The following MPHOSPH9 variants were observed in gnomAD, a reference collection of about 807,000 sequenced individuals.
MPHOSPH9 encodes M-phase phosphoprotein 9.
A neutral mutation model predicts 145.5 loss-of-function variants in MPHOSPH9; 88 were observed. The ratio of observed to expected loss-of-function variants is 0.60; its 90% CI spans 0.51 to 0.72. The LOEUF is 0.72. Ranked by LOEUF, MPHOSPH9 falls within the 30% of genes least tolerant of loss-of-function variation. The pLI, the probability that MPHOSPH9 is intolerant of heterozygous loss-of-function variation, is 0.00. For synonymous variants in MPHOSPH9, 435 were observed against 486.2 expected, an observed-to-expected ratio of 0.89 and a Z score of 1.39; for missense variants, 1,238 against 1,386.6, an observed-to-expected ratio of 0.89 and a Z score of 1.70.
chr12:123,223,254 A>T (rs1022708003), intron 3 of MPHOSPH9, 127 bp from the exon 4 acceptor site: 1 of 499,930 alleles, frequency 2.0e-6, no homozygotes, highest in East Asian at 3.6e-5. Flanking sequence ...AGCCATCAGC[A>T]CTCTCATAGC....
chr12:123,208,563 T>C (rs950087044), intron 8 of MPHOSPH9, among the ~76,000 whole-genome samples: 1 of 141,936 alleles, frequency 7.0e-6, no homozygotes, highest in Non-Finnish European at 1.5e-5. Context: ...ATACAGCAAA[T>C]TAAGTTGCTC....
chr12:123,166,461 T>A, intron 17 of MPHOSPH9, 194 bp downstream of exon 17: 1 of 663,920 alleles, frequency 1.5e-6, no homozygotes, highest in Non-Finnish European at 2.6e-6. Flanking sequence ...TGAGCACAGG[T>A]GGGGAAGCTT....
rs2046276424 is a variant in MPHOSPH9, at chr12:123,202,752, A to C, written c.1653T>G (p.Thr551=). Residue 551 remains threonine (T), a synonymous_variant, in exon 10 of 24, where the codon ACT becomes ACG. Coordinates refer to ENST00000606320, the MANE Select transcript of MPHOSPH9 (RefSeq NM_022782.4). The stretch of plus-strand genomic sequence containing the variant: ...CCATGACAGTGTTTTCTTCATCTAC[A>C]GTGTTGACCGAGATATCATTACTAG... ...TITSNDISVN[T]VDEENTVMVA... is the part of the protein sequence containing the mutation. The C allele has an allele frequency of 1.2e-6, 2 of 1,614,148 alleles. No individual in the cohort carries two copies. Among genetic ancestry groups the C allele is most frequent in the East Asian group, 2.2e-5 (1 of 44,882 alleles).
chr12:123,159,432 G>T lies in MPHOSPH9; in HGVS notation c.3450+1349C>A, dbSNP rs2044012443. Among the ~76,000 whole-genome samples the T allele has an allele frequency of 6.6e-6, 1 of 152,030 alleles. No homozygotes were observed. The highest frequency in any genetic ancestry group is 2.1e-4 in the South Asian group (1 of 4,824). On this transcript the variant is annotated intron_variant, in intron 23 of 23. Coordinates refer to ENST00000606320, the MANE Select transcript of MPHOSPH9 (RefSeq NM_022782.4). This position sits in a 1 kb window ranked among gnomAD's most constrained non-coding sequence, Gnocchi z 4.3. ...CCCACCTCGGCCTCCCAAAGTGCTG[G>T]GATTACAGGCATAAGCCATTGCGCC...
chr12:123,184,584 G>A (rs903340752), intron 13 of MPHOSPH9, among the ~76,000 whole-genome samples: 7 of 147,650 alleles, frequency 4.7e-5, no homozygotes, highest in East Asian at 2.0e-4. Flanking sequence ...TGCAAGCTCC[G>A]CCTCCCGGGT....
At chr12:123,200,267 CG>C (rs2046162995) in intron 11 of MPHOSPH9, among the ~76,000 whole-genome samples, 1 of 151,198 alleles carries the variant, frequency 6.6e-6, no homozygotes, top group African/African-American at 2.4e-5. Flanking sequence ...ATGACTGCCA[CG>C]TATTTTGTTT....
chr12:123,187,982 T>G (rs2045522498), intron 13 of MPHOSPH9, among the ~76,000 whole-genome samples: 1 of 152,028 alleles, frequency 6.6e-6, no homozygotes, highest in African/African-American at 2.4e-5. Context: ...AAAGAATTAG[T>G]GAGGCATGGT....
intron 8 of MPHOSPH9, among the ~76,000 whole-genome samples, chr12:123,206,896 G>A (rs968872781): frequency 6.7e-6 from 1 of 149,436 alleles, no homozygotes; most frequent in Non-Finnish European, 1.5e-5. Context: ...CCTGGCAACA[G>A]AGCAAGACTC....
At chr12:123,169,182 C>T (rs763472887) in intron 16 of MPHOSPH9, among the ~76,000 whole-genome samples, 7 of 151,386 alleles carry the variant, frequency 4.6e-5, no homozygotes, top group African/African-American at 7.3e-5. Context: ...CCACTGCGCC[C>T]GGCCCAGTTT....
intron 23 of MPHOSPH9, among the ~76,000 whole-genome samples, 179 bp from the exon 24 acceptor site, chr12:123,157,087 T>A (rs1398248863): frequency 1.3e-5 from 2 of 152,242 alleles, no homozygotes; most frequent in African/African-American, 4.8e-5. Context: ...AATTAGCTTT[T>A]CAACTATTCC....
Position 123,210,076 on chromosome 12 carries a change from T to C in MPHOSPH9, c.1174A>G (p.Thr392Ala), listed in dbSNP as rs1402924369. ...ATTACCTGGTTTGGTGACACATCTG[T>C]GGAAGACAATGATATGAACGTCTTC... ...LEKTFISLSS[T>A]DVSPNQSNTS... The change falls in exon 8 of 24, where the codon ACA (threonine) becomes GCA (alanine). Residue 392 changes from threonine to alanine, a missense_variant. Transcript: ENST00000606320. The C allele has an allele frequency of 1.2e-6, 2 of 1,610,860 alleles. No homozygotes were observed. Among genetic ancestry groups the C allele is most frequent in the Non-Finnish European group, 1.7e-6 (2 of 1,178,406 alleles).
intron 13 of MPHOSPH9, among the ~76,000 whole-genome samples, chr12:123,187,273 C>T (rs767691047): frequency 1.4e-4 from 21 of 151,772 alleles, no homozygotes; most frequent in South Asian, 4.2e-4. Context: ...AAAAAAAGAA[C>T]GAACGAACAA....
intron 13 of MPHOSPH9, among the ~76,000 whole-genome samples, chr12:123,190,912 G>T (rs1023409412): frequency 5.1e-4 from 78 of 152,162 alleles, no homozygotes; most frequent in African/African-American, 1.9e-3. Flanking sequence ...TGCAAAGTCA[G>T]TGTATCACTG....
intron 16 of MPHOSPH9, among the ~76,000 whole-genome samples, chr12:123,175,790 A>C (rs1279243030): frequency 6.6e-6 from 1 of 150,528 alleles, no homozygotes; most frequent in Non-Finnish European, 1.5e-5. Flanking sequence ...ATCTCTCTCA[A>C]ATGTTCAATT....
chr12:123,225,358 G>A (rs1469094137), intron 3 of MPHOSPH9, among the ~76,000 whole-genome samples: 2 of 150,664 alleles, frequency 1.3e-5, no homozygotes, highest in East Asian at 3.9e-4. Flanking sequence ...GTGGGAGGAT[G>A]GCTTGAGCCC....
chr12:123,171,768 AC>A (rs1445430145), intron 16 of MPHOSPH9, among the ~76,000 whole-genome samples: 1 of 151,430 alleles, frequency 6.6e-6, no homozygotes, highest in Non-Finnish European at 1.5e-5. Flanking sequence ...AAACAAACAA[AC>A]AAAAAACATA....
At chr12:123,170,280 T>C (rs2044520683) in intron 16 of MPHOSPH9, among the ~76,000 whole-genome samples, 1 of 152,060 alleles carries the variant, frequency 6.6e-6, no homozygotes, top group African/African-American at 2.4e-5. Flanking sequence ...GTAGCTGGGA[T>C]GACAGCTGCG....
chr12:123,214,243 T>C (rs1727323), intron 7 of MPHOSPH9, among the ~76,000 whole-genome samples: 97,677 of 152,048 alleles, frequency 0.64, 35,853 homozygotes, highest in East Asian at 1. Flanking sequence ...TAAATTAAGA[T>C]AAGAAAGAAA....
chr12:123,174,433 C>T (rs993654775), intron 16 of MPHOSPH9, among the ~76,000 whole-genome samples: 2 of 149,384 alleles, frequency 1.3e-5, no homozygotes, highest in South Asian at 4.2e-4. Flanking sequence ...AATGCAGTGG[C>T]GCGATCTTGG....
Sources: gnomAD v4.1 joint callset for allele counts (sites outside exome capture counted in the v4.1 genomes callset) on GRCh38, gnomAD v4.1.1 for gene constraint, Gnocchi (gnomAD v3.1) non-coding constraint, MANE v1.5 for transcripts, NCBI Gene and HGNC (gene_info 2026-07-23, HGNC 2026-07-21) for gene names.